Variants in HAS3 observed in about 807,000 individuals in gnomAD.
HAS3 encodes HA synthase 3.
Under a neutral mutation model 50.3 loss-of-function variants are expected in HAS3, and 27 were observed. The observed-to-expected ratio is 0.54, with a 90% confidence interval of 0.40 to 0.74. The LOEUF is 0.74. HAS3 is among the 30% of genes least tolerant of loss of function. The pLI, the probability that HAS3 is intolerant of heterozygous loss-of-function variation, is 0.00. For synonymous variants in HAS3, 339 were observed against 310.9 expected (o/e 1.09, Z -0.95); for missense variants, 517 against 742.8 (o/e 0.70, Z 3.53).
At position 69,113,508 on chromosome 16, in the gene HAS3, A is replaced by G; in HGVS notation, c.704A>G (p.Asp235Gly). 8 of 1,612,684 alleles carry G rather than the reference A, an allele frequency of 5.0e-6. No individual in the cohort carries two copies. The highest frequency in any genetic ancestry group is 6.8e-6 in the Non-Finnish European group (8 of 1,178,988). ...GAGATGCTTCGAGTCCTGGAGGAGG[A>G]TCCCCAAGTAGGGGGAGTCGGGGGA... ...TIEMLRVLEE[D>G]PQVGGVGGDV... Residue 235 changes from aspartate (D) to glycine (G), a missense_variant, in exon 3 of 4, where the codon GAT becomes GGT. By Grantham distance (94) the Asp-to-Gly change is moderately conservative. Transcript: ENST00000569188.
chr16:69,093,319 C>T, the HAS3 span, among the ~76,000 whole-genome samples: 1 of 152,096 alleles, frequency 6.6e-6, no homozygotes, highest in African/African-American at 2.4e-5. Context: ...TCAAGCGATT[C>T]TCCTGCCTCA....
the HAS3 span, among the ~76,000 whole-genome samples, chr16:69,085,441 AT>A: frequency 1.3e-5 from 2 of 151,684 alleles, no homozygotes; most frequent in Non-Finnish European, 2.9e-5. Flanking sequence ...TTCTTTATTG[AT>A]TTTTTTTGAG....
Position 69,114,263 on chromosome 16 carries a change from G to A in HAS3, c.739-80G>A. 1 of 1,505,592 alleles carries A rather than the reference G, an allele frequency of 6.6e-7. No individual in the cohort carries two copies. The highest frequency in any genetic ancestry group is 1.3e-5 in the South Asian group (1 of 74,962). The allele number at this position is 1,505,592 out of a possible 1,614,324, so 93.3% of individuals were successfully genotyped here. On this transcript the variant is annotated intron_variant, in intron 3 of 3. Transcript: ENST00000569188. The surrounding 1 kb of genome is among the most constrained non-coding windows in gnomAD (Gnocchi z 6.4). ...TAAGCAGCGGGCCACAGAAGCCATG[G>A]TAAGGAGGCCTCGTGGTCTCTGATG... is the stretch of plus-strand genomic sequence containing the variant.
In HAS3 at chr16:69,117,499, G is replaced by T; in HGVS notation, c.*2233G>T. On this transcript the variant is annotated 3_prime_UTR_variant, in exon 4 of 4. Coordinates refer to ENST00000569188, the MANE Select transcript of HAS3 (RefSeq NM_001199280.2). ...CCTTTATACAATTGGACGCATTTTG[G>T]TTTTTCCTCATTGAGAATTCAAATC... 1 of 977,630 alleles carries T rather than the reference G, an allele frequency of 1.0e-6. No individual in the cohort carries two copies. Among genetic ancestry groups the T allele is most frequent in the Non-Finnish European group, 1.2e-6 (1 of 823,206 alleles). 60.6% of individuals were successfully genotyped at this position (977,630 alleles called of 1,614,324 possible). A position where few individuals can be genotyped will look rare whatever the true frequency, so the allele number is the denominator to read the frequency against.
the HAS3 span, among the ~76,000 whole-genome samples, chr16:69,086,119 C>T: frequency 3.2e-4 from 49 of 151,290 alleles, no homozygotes; most frequent in East Asian, 3.3e-3. Context: ...CCTCCTTACT[C>T]GGTTTCCTAA....
rs937134237 is a variant in HAS3, at chr16:69,116,128, C to T, written c.*862C>T. 1 of 985,294 alleles carries T rather than the reference C, an allele frequency of 1.0e-6. No individual in the cohort carries two copies. The highest frequency in any genetic ancestry group is 1.7e-5 in the African/African-American group (1 of 57,240). 61.0% of individuals were successfully genotyped at this position (985,294 alleles called of 1,614,324 possible). A position where few individuals can be genotyped will look rare whatever the true frequency, so the allele number is the denominator to read the frequency against. ...AGAAGTGAAGTCTTGGGTATTTTAA[C>T]CTGTATACTCTTGAATTCCTCTCAA... On this transcript the variant is annotated 3_prime_UTR_variant, in exon 4 of 4. Coordinates refer to ENST00000569188, the MANE Select transcript of HAS3 (RefSeq NM_001199280.2).
chr16:69,118,133 A>ATTC, downstream of HAS3: 1 of 148,008 alleles, frequency 6.8e-6, no homozygotes. Flanking sequence ...CCCCACCCCC[A>ATTC]CCCTAATTCC....
At chr16:69,111,817 G>A (rs1487529503) in intron 2 of HAS3, among the ~76,000 whole-genome samples, 3 of 152,166 alleles carry the variant, frequency 2.0e-5, no homozygotes, top group Non-Finnish European at 4.4e-5. Context: ...ACAGGCTCAA[G>A]CCACAGTGAC....
At chr16:69,108,246 C>T (rs919483319) in intron 1 of HAS3, among the ~76,000 whole-genome samples, 50 of 152,238 alleles carry the variant, frequency 3.3e-4, no homozygotes, top group African/African-American at 1.2e-3. Context: ...ACCCTCACCA[C>T]TAGGGTAGCT....
At chr16:69,096,587 G>T in the HAS3 span, among the ~76,000 whole-genome samples, 1 of 147,436 alleles carries the variant, frequency 6.8e-6, no homozygotes, top group Admixed American at 6.8e-5. Flanking sequence ...CAGGCTTGGT[G>T]GCTCACACCT....
rs538266381 is a variant in HAS3 at position 69,116,366 on chromosome 16, A to T, written c.*1100A>T. The T allele has an allele frequency of 4.1e-5, 40 of 985,802 alleles. 1 individual carries two copies. The highest frequency in any genetic ancestry group is 1.2e-5 in the Non-Finnish European group (10 of 829,958). The allele number at this position is 985,802 out of a possible 1,614,324, so 61.1% of individuals were successfully genotyped here. On this transcript the variant is annotated 3_prime_UTR_variant, in exon 4 of 4. Coordinates refer to ENST00000569188, the MANE Select transcript of HAS3 (RefSeq NM_001199280.2). ...ATATGGGAACTATGAGGAGCCTCTG[A>T]TCAAATTGGCTACAATCTTGGAGCT...
chr16:69,111,175 T>C (rs1351084121), intron 2 of HAS3, among the ~76,000 whole-genome samples: 1 of 139,272 alleles, frequency 7.2e-6, no homozygotes, highest in African/African-American at 2.7e-5. Flanking sequence ...TTTTTTTTTT[T>C]TTTTTTTTTT....
chr16:69,117,603 T>A lies in HAS3; in HGVS notation c.*2337T>A. On this transcript the variant is annotated 3_prime_UTR_variant, in exon 4 of 4. Transcript: ENST00000569188. ...TTTTTTTTTTTTTTTAATTTTCAGGTCAAGTTTTTTATACTGCACTTATTT... is the reference window on the plus strand; with the variant it reads ...TTTTTTTTTTTTTTTAATTTTCAGGACAAGTTTTTTATACTGCACTTATTT... 1 of 843,632 alleles carries A rather than the reference T, an allele frequency of 1.2e-6. No individual in the cohort carries two copies. The highest frequency in any genetic ancestry group is 5.5e-5 in the South Asian group (1 of 18,322). The allele number at this position is 843,632 out of a possible 1,614,324, so 52.3% of individuals were successfully genotyped here.
chr16:69,083,586 AGAGCTGGAT>A, the HAS3 span: 1 of 1,601,894 alleles, frequency 6.2e-7, no homozygotes, highest in Non-Finnish European at 8.5e-7. Context: ...TGGCCCTAGA[AGAGCTGGAT>A]GACATCATGA....
chr16:69,109,652 CGGT>C lies in HAS3; in HGVS notation c.260_262del (p.Val87del), dbSNP rs763260122. 6.2e-7 allele frequency: 1 copy of C among 1,610,020 alleles called. No individual in the cohort carries two copies. The highest frequency in any genetic ancestry group is 8.5e-7 in the Non-Finnish European group (1 of 1,179,758). ...AAGCTGCCCTCCCCGCGGCGGGGCT[CGGT>C]GGCACTGTGCATTGCCGCATACCAG... On this transcript the variant is annotated inframe_deletion, in exon 2 of 4. Coordinates refer to ENST00000569188, the MANE Select transcript of HAS3 (RefSeq NM_001199280.2). This position sits in a 1 kb window ranked among gnomAD's most constrained non-coding sequence, Gnocchi z 5.3.
upstream of HAS3, among the ~76,000 whole-genome samples, chr16:69,101,106 G>T (rs559112557): frequency 6.6e-6 from 1 of 152,154 alleles, no homozygotes; most frequent in South Asian, 2.1e-4. Flanking sequence ...AACAGTACTT[G>T]CAATCTACTC....
rs1961192851 is a variant in HAS3, at chr16:69,116,588, C to T, written c.*1322C>T. On this transcript the variant is annotated 3_prime_UTR_variant, in exon 4 of 4. Transcript: ENST00000569188. ...TACAGCCAAGTTGTGACAGTCACTG[C>T]ATTTGCCTGCTTCTTTCCAGAAACC... is the stretch of plus-strand genomic sequence containing the variant. 1.0e-6 allele frequency: 1 copy of T among 985,560 alleles called. No individual in the cohort carries two copies. The highest frequency in any genetic ancestry group is 4.7e-5 in the South Asian group (1 of 21,296). The allele number at this position is 985,560 out of a possible 1,614,324, so 61.1% of individuals were successfully genotyped here. A position where few individuals can be genotyped will look rare whatever the true frequency, so the allele number is the denominator to read the frequency against.
At chr16:69,112,136 A>C (rs1185019109) in intron 2 of HAS3, among the ~76,000 whole-genome samples, 2 of 152,226 alleles carry the variant, frequency 1.3e-5, no homozygotes, top group Non-Finnish European at 2.9e-5. Flanking sequence ...CTCAGTTAGA[A>C]AGACATCCAA....
chr16:69,106,345 G>A lies in HAS3; in HGVS notation c.-1+558G>A, dbSNP rs1257799566. 2.7e-5 allele frequency: 4 copies of A among 147,202 alleles called. No individual in the cohort carries two copies. 9.1% of individuals were successfully genotyped at this position (147,202 alleles called of 1,614,324 possible). A position where few individuals can be genotyped will look rare whatever the true frequency, so the allele number is the denominator to read the frequency against. ...AGCGCGGGCCGGCCGGCACCCAGGA[G>A]GGGAGGGCCGCGCGGGGCTGCGCCG... On this transcript the variant is annotated intron_variant, in intron 1 of 3. Coordinates refer to ENST00000569188, the MANE Select transcript of HAS3 (RefSeq NM_001199280.2). The surrounding 1 kb of genome is among the most constrained non-coding windows in gnomAD (Gnocchi z 5.5).
Sources: allele counts gnomAD v4.1 joint callset (sites outside exome capture counted in the v4.1 genomes callset), GRCh38; gene constraint gnomAD v4.1.1; non-coding constraint Gnocchi (gnomAD v3.1); transcripts MANE v1.5; gene names NCBI Gene and HGNC (gene_info 2026-07-23, HGNC 2026-07-21).